ACLY: variants seen among roughly 807,000 people sequenced by gnomAD.
ACLY encodes the protein ATP-citrate synthase.
A neutral mutation model predicts 133.0 loss-of-function variants in ACLY; 41 were observed. The ratio of observed to expected loss-of-function variants is 0.31; its 90% CI spans 0.24 to 0.40. ACLY has a LOEUF of 0.40. ACLY is among the 10% of genes least tolerant of loss of function. The pLI is 1.00. For missense variants in ACLY, 1,046 were observed against 1,453.8 expected (o/e 0.72, Z 4.56); for synonymous variants, 495 against 549.3 (o/e 0.90, Z 1.38).
chr17:41,868,864 A>C (rs1489311204), intron 27 of ACLY, 79 bp from the exon 28 acceptor site: 2 of 1,484,046 alleles, frequency 1.3e-6, no homozygotes. Context: ...ACTACTGCCC[A>C]AGAATGAGAA....
intron 22 of ACLY, among the ~76,000 whole-genome samples, chr17:41,875,168 G>A (rs1168587180): frequency 6.6e-6 from 1 of 151,944 alleles, no homozygotes; most frequent in Non-Finnish European, 1.5e-5. Flanking sequence ...GGCCAACATG[G>A]TGAAACCCCA....
At chr17:41,919,595 G>A (rs147280741), upstream of ACLY, among the ~76,000 whole-genome samples, 1 of 152,210 alleles carries the variant, frequency 6.6e-6, no homozygotes, top group African/African-American at 2.4e-5. Flanking sequence ...GTAAGCAAGT[G>A]GGGCTAGGAG....
At chr17:41,915,270 A>G (rs1885939115) in intron 1 of ACLY, among the ~76,000 whole-genome samples, 1 of 152,196 alleles carries the variant, frequency 6.6e-6, no homozygotes, top group African/African-American at 2.4e-5. Context: ...AATTCAGGCC[A>G]AGAGCTTGGC....
rs1219994983 is a variant in ACLY at position 41,905,667 on chromosome 17, G to A, written c.867-9C>T. On this transcript the variant is annotated splice_polypyrimidine_tract_variant and intron_variant, in intron 8 of 28. Transcript: ENST00000352035. ...GATCACAGATGGTATCGCTGCCAAGGAGACAGAAGTCAGTGATGGCTCTCA... is the reference window on the plus strand; with the variant it reads ...GATCACAGATGGTATCGCTGCCAAGAAGACAGAAGTCAGTGATGGCTCTCA... The A allele has an allele frequency of 1.9e-6, 3 of 1,614,062 alleles. No individual in the cohort carries two copies. Among genetic ancestry groups the A allele is most frequent in the African/African-American group, 1.3e-5 (1 of 74,926 alleles).
At chr17:41,914,398 C>A (rs35766790) in intron 1 of ACLY, among the ~76,000 whole-genome samples, 1 of 152,086 alleles carries the variant, frequency 6.6e-6, no homozygotes, top group Non-Finnish European at 1.5e-5. Context: ...TCATCTCCCC[C>A]ACACCCAGAT....
intron 18 of ACLY, 102 bp from the exon 19 acceptor site, chr17:41,884,376 G>C: frequency 1.3e-6 from 1 of 777,004 alleles, no homozygotes; most frequent in Non-Finnish European, 2.2e-6. Flanking sequence ...CTGGATTTTG[G>C]GGGGATGTGG....
chr17:41,872,911 C>A (rs1365443464), intron 23 of ACLY, among the ~76,000 whole-genome samples: 1 of 152,078 alleles, frequency 6.6e-6, no homozygotes, highest in South Asian at 2.1e-4. Flanking sequence ...TGTTATAACC[C>A]GTGAACTTTT....
Position 41,907,432 on chromosome 17 carries a change from C to T in ACLY, c.747+10G>A. ...CCCCAGTCCCCATCTCCTCTCTAAA[C>T]CAGCCTTACCTCTGGATATGCCTCC... On this transcript the variant is annotated intron_variant, in intron 7 of 28. Coordinates refer to ENST00000352035, the MANE Select transcript of ACLY (RefSeq NM_001096.3). 1 of 1,554,894 alleles carries T rather than the reference C, an allele frequency of 6.4e-7. No homozygotes were observed. Among genetic ancestry groups the T allele is most frequent in the East Asian group, 2.4e-5 (1 of 41,960 alleles).
chr17:41,892,632 G>A (rs937353420), intron 15 of ACLY, among the ~76,000 whole-genome samples, 185 bp from the exon 16 acceptor site: 6 of 151,768 alleles, frequency 4.0e-5, no homozygotes, highest in African/African-American at 7.3e-5. Context: ...GATGGGCAAA[G>A]CCTTCCCCAG....
At position 41,884,247 on chromosome 17, in the gene ACLY, A is replaced by G. The variant is rs782382465; in HGVS notation, c.2100T>C (p.His700=). ...CTGGAGTGTCCTGATAGCGTAACAC[A>G]TGATCCATGAATGTGGAGCCCGGGT... is the stretch of plus-strand genomic sequence containing the variant. ...DRYPGSTFMD[H]VLRYQDTPGV... Residue 700 remains histidine (H), a synonymous_variant, in exon 19 of 29, where the codon CAT becomes CAC. Coordinates refer to ENST00000352035, the MANE Select transcript of ACLY (RefSeq NM_001096.3). 1.6e-5 allele frequency: 25 copies of G among 1,612,618 alleles called. No homozygotes were observed. The highest frequency in any genetic ancestry group is 2.0e-5 in the Non-Finnish European group (23 of 1,178,790).
chr17:41,870,806 A>G (rs1187299173), intron 25 of ACLY: 2 of 152,206 alleles, frequency 1.3e-5, no homozygotes, highest in East Asian at 1.9e-4. Flanking sequence ...GCGGTGGCCA[A>G]TGAAATGTGA....
chr17:41,903,638 C>T (rs2049600768), intron 10 of ACLY, among the ~76,000 whole-genome samples: 1 of 151,446 alleles, frequency 6.6e-6, no homozygotes, highest in South Asian at 2.1e-4. Flanking sequence ...CACCTGTAGT[C>T]CCAGCTACTT....
intron 14 of ACLY, among the ~76,000 whole-genome samples, chr17:41,895,133 T>C (rs2049329258): frequency 6.6e-6 from 1 of 152,152 alleles, no homozygotes; most frequent in African/African-American, 2.4e-5. Flanking sequence ...TGCCAAATGA[T>C]TGAGGTCCGA....
chr17:41,889,746 CACG>C (rs35042526), intron 16 of ACLY, among the ~76,000 whole-genome samples: 23,271 of 151,684 alleles, frequency 0.15, 1,908 homozygotes, highest in East Asian at 0.18. Context: ...AGTACAATAG[CACG>C]ACCTTGGCTC....
At chr17:41,929,710 TA>T (rs1362870933) in intron 1 of ACLY, among the ~76,000 whole-genome samples, 1 of 152,218 alleles carries the variant, frequency 6.6e-6, no homozygotes, top group African/African-American at 2.4e-5. Context: ...ATGCAGTTCA[TA>T]AGAAATAAAT....
At chr17:41,896,691 T>C in intron 13 of ACLY, 42 bp from the exon 14 acceptor site, 3 of 1,539,456 alleles carry the variant, frequency 1.9e-6, no homozygotes, top group Non-Finnish European at 2.6e-6. Flanking sequence ...GACCCACTGA[T>C]GGCTGGAGGC....
chr17:41,890,628 C>T (rs1257615033), intron 16 of ACLY, among the ~76,000 whole-genome samples: 1 of 151,290 alleles, frequency 6.6e-6, no homozygotes. Context: ...GCGGAGGTTG[C>T]GGTGAGCCGA....
chr17:41,884,963 G>A (rs1048782168), intron 18 of ACLY, among the ~76,000 whole-genome samples: 9 of 152,074 alleles, frequency 5.9e-5, no homozygotes, highest in African/African-American at 1.7e-4. Flanking sequence ...TCCGCCTCCC[G>A]GGTTCAAGCA....
At chr17:41,879,341 G>A (rs892855405) in intron 20 of ACLY, among the ~76,000 whole-genome samples, 9 of 151,352 alleles carry the variant, frequency 5.9e-5, no homozygotes, top group Non-Finnish European at 1.3e-4. Flanking sequence ...CCTAACCTCA[G>A]GTGATCCACC....
Sources: gnomAD v4.1 joint callset for allele counts (sites outside exome capture counted in the v4.1 genomes callset) on GRCh38, gnomAD v4.1.1 for gene constraint, MANE v1.5 for transcripts, NCBI Gene and HGNC (gene_info 2026-07-23, HGNC 2026-07-21) for gene names.